The following FMN1 variants were observed in gnomAD, a reference collection of about 807,000 sequenced individuals.
FMN1 encodes the protein formin-1.
FMN1 carries 110 observed loss-of-function variants against 132.4 expected under a neutral mutation model. The observed-to-expected ratio is 0.83, with a 90% CI of 0.71 to 0.97. FMN1 has a LOEUF of 0.97. Ranked by LOEUF, FMN1 falls within the 50% of genes least tolerant of loss-of-function variation. The pLI is 0.00. For missense variants in FMN1, 1,792 were observed against 1,705.3 expected (o/e 1.05, Z -0.90); for synonymous variants, 722 against 651.7 (o/e 1.11, Z -1.64).
rs538006966 is a variant in FMN1, at chr15:32,936,952, C to A, written c.3139-10691G>T. Among the ~76,000 whole-genome samples, 4 of 152,280 alleles carry A rather than the reference C, an allele frequency of 2.6e-5. No individual in the cohort carries two copies. The South Asian group carries it at 8.3e-4, about 32-fold the overall frequency. On this transcript the variant is annotated intron_variant, in intron 9 of 20. Coordinates refer to ENST00000616417, the MANE Select transcript of FMN1 (RefSeq NM_001277313.2). ...CTTTTTGTTCTCAGCAGTCTCCAGG[C>A]ATCTAGAGTATGCTGTGTCCCATCA...
chr15:33,146,840 T>C (rs1964240603), intron 4 of FMN1, among the ~76,000 whole-genome samples: 1 of 152,080 alleles, frequency 6.6e-6, no homozygotes, highest in Admixed American at 6.6e-5. Flanking sequence ...GGGGCCGCAG[T>C]GGTATCTGCT....
intron 5 of FMN1, chr15:33,068,012 C>T (rs746165034): frequency 1.4e-4 from 201 of 1,451,306 alleles, no homozygotes; most frequent in Admixed American, 9.3e-4. Flanking sequence ...AGGCTGTCAG[C>T]CGCACAGCAA....
intron 7 of FMN1, among the ~76,000 whole-genome samples, chr15:32,992,894 T>C (rs556756125): frequency 2.0e-3 from 307 of 152,342 alleles, no homozygotes; most frequent in African/African-American, 7.1e-3. Flanking sequence ...GCCTATTCAC[T>C]AGACCAAGTA....
At chr15:33,122,075 A>C (rs10519792) in intron 4 of FMN1, among the ~76,000 whole-genome samples, 9,733 of 152,280 alleles carry the variant, frequency 0.064, 329 homozygotes, top group Middle Eastern at 0.11. Context: ...CAAATAAAGA[A>C]TACTACTCTG....
chr15:32,866,207 C>T (rs2059389065), intron 16 of FMN1, among the ~76,000 whole-genome samples: 1 of 147,504 alleles, frequency 6.8e-6, no homozygotes, highest in Admixed American at 6.8e-5. Context: ...TGCACATGTA[C>T]CCTAGAACTT....
chr15:33,096,339 T>A (rs1376848067), intron 4 of FMN1, among the ~76,000 whole-genome samples: 1 of 152,234 alleles, frequency 6.6e-6, no homozygotes, highest in Non-Finnish European at 1.5e-5. Context: ...CGTCTGTCAA[T>A]AACCTTTGCC....
At chr15:33,113,872 C>T (rs186612819) in intron 4 of FMN1, among the ~76,000 whole-genome samples, 6 of 152,328 alleles carry the variant, frequency 3.9e-5, no homozygotes, top group African/African-American at 1.4e-4. Flanking sequence ...GAAACCCTGA[C>T]TGGAAACTGC....
chr15:32,850,096 T>C (rs75746447), intron 17 of FMN1, among the ~76,000 whole-genome samples: 22,296 of 152,224 alleles, frequency 0.15, 1,984 homozygotes, highest in East Asian at 0.31. Context: ...AGCAGTGGAG[T>C]ACACAAGAAC....
intron 17 of FMN1, among the ~76,000 whole-genome samples, chr15:32,804,562 G>A (rs868138642): frequency 1.8e-4 from 27 of 148,218 alleles, no homozygotes; most frequent in Middle Eastern, 3.5e-3. Flanking sequence ...TGTGCACTAC[G>A]TGCAGGTTTG....
At chr15:33,133,070 G>A (rs1216614309) in intron 4 of FMN1, among the ~76,000 whole-genome samples, 1 of 152,196 alleles carries the variant, frequency 6.6e-6, no homozygotes, top group East Asian at 1.9e-4. Flanking sequence ...GGGATAGGGG[G>A]CCAAGCACTG....
chr15:32,794,587 A>AT (rs2057214114), intron 19 of FMN1, among the ~76,000 whole-genome samples: 2 of 152,130 alleles, frequency 1.3e-5, no homozygotes, highest in Non-Finnish European at 2.9e-5. Context: ...TAAAAAATAA[A>AT]AAATAAAAAA....
At chr15:32,809,671 A>G (rs1373049819) in intron 17 of FMN1, among the ~76,000 whole-genome samples, 1 of 151,940 alleles carries the variant, frequency 6.6e-6, no homozygotes, top group African/African-American at 2.4e-5. Context: ...TTTGAAAACC[A>G]AGCTTGAAAA....
At chr15:33,071,805 TC>T (rs1381702631) in intron 5 of FMN1, among the ~76,000 whole-genome samples, 1 of 152,206 alleles carries the variant, frequency 6.6e-6, no homozygotes, top group Non-Finnish European at 1.5e-5. Flanking sequence ...ATTGTAATAT[TC>T]AAATAAGCAA....
rs561417596 is a variant in FMN1, at chr15:32,836,562, A to G, written c.3928+20453T>C. On this transcript the variant is annotated intron_variant, in intron 17 of 20. Coordinates refer to ENST00000616417, the MANE Select transcript of FMN1 (RefSeq NM_001277313.2). ...TTCTCCCCAGAACCGAGGCCTTCAT[A>G]TTTTTCTCCCTAAGCTGTATATGTC... Among the ~76,000 whole-genome samples, 7 of 152,074 alleles carry G rather than the reference A, an allele frequency of 4.6e-5. No homozygotes were observed. The East Asian group carries it at 1.4e-3, about 29-fold the overall frequency.
intron 16 of FMN1, among the ~76,000 whole-genome samples, chr15:32,878,256 G>A (rs1478504618): frequency 2.6e-5 from 4 of 152,180 alleles, no homozygotes; most frequent in African/African-American, 9.7e-5. Flanking sequence ...GGGCAGGAGG[G>A]GTGAGTGGTG....
chr15:32,899,926 TA>T, intron 14 of FMN1, 52 bp downstream of exon 14: 1 of 1,566,174 alleles, frequency 6.4e-7, no homozygotes, highest in Non-Finnish European at 8.7e-7. Flanking sequence ...AAATTAAAGG[TA>T]AAGAAAGAAA....
chr15:32,924,311 G>A (rs1188938850), intron 10 of FMN1, among the ~76,000 whole-genome samples: 5 of 152,162 alleles, frequency 3.3e-5, no homozygotes, highest in African/African-American at 1.2e-4. Context: ...TGAATGCTCT[G>A]TGATTATCAT....
At chr15:32,877,382 T>C (rs1006641888) in intron 16 of FMN1, among the ~76,000 whole-genome samples, 9 of 151,848 alleles carry the variant, frequency 5.9e-5, no homozygotes, top group Non-Finnish European at 1.0e-4. Flanking sequence ...ACAAAGAGAA[T>C]ACCTGAGATG....
intron 4 of FMN1, among the ~76,000 whole-genome samples, chr15:33,107,068 T>C (rs749336675): frequency 8.5e-5 from 13 of 152,110 alleles, no homozygotes; most frequent in Non-Finnish European, 1.5e-4. Context: ...CTAACTTTGT[T>C]CTTCCCCCAG....
Sources: gnomAD v4.1 joint callset for allele counts (sites outside exome capture counted in the v4.1 genomes callset) on GRCh38, gnomAD v4.1.1 for gene constraint, MANE v1.5 for transcripts, NCBI Gene and HGNC (gene_info 2026-07-23, HGNC 2026-07-21) for gene names.